Variants in PDE10A observed in about 807,000 individuals in gnomAD.
PDE10A encodes cAMP and cAMP-inhibited cGMP 3',5'-cyclic phosphodiesterase 10A.
Under a neutral mutation model 97.7 loss-of-function variants are expected in PDE10A, and 39 were observed. That is an observed-to-expected ratio of 0.40 (90% CI 0.31 to 0.52). The LOEUF is 0.52. Ranked by LOEUF, PDE10A falls within the 20% of genes least tolerant of loss-of-function variation. The pLI is 0.56. For synonymous variants in PDE10A, 371 were observed against 376.8 expected (o/e 0.98, Z 0.18); for missense variants, 731 against 1,047.8 (o/e 0.70, Z 4.17).
chr6:165,523,261 A>G (rs757926990), intron 2 of PDE10A, among the ~76,000 whole-genome samples: 32 of 152,288 alleles, frequency 2.1e-4, no homozygotes, highest in Non-Finnish European at 3.7e-4. Flanking sequence ...CAGAATTAGA[A>G]AAAACTATTC....
At chr6:165,757,912 T>C (rs888598699) in intron 1 of PDE10A, among the ~76,000 whole-genome samples, 1 of 152,212 alleles carries the variant, frequency 6.6e-6, no homozygotes, top group African/African-American at 2.4e-5. Context: ...TATGATATTG[T>C]GTTTGATTTC....
At chr6:165,724,557 T>C (rs6913046) in intron 1 of PDE10A, among the ~76,000 whole-genome samples, 105,631 of 152,096 alleles carry the variant, frequency 0.69, 38,197 homozygotes, top group African/African-American at 0.9. Context: ...GGCTTCGTCC[T>C]GTCACTTAGA....
chr6:165,898,140 A>G (rs886823752), intron 1 of PDE10A, among the ~76,000 whole-genome samples: 3 of 150,962 alleles, frequency 2.0e-5, no homozygotes, highest in African/African-American at 7.3e-5. Context: ...CAGAAATGGG[A>G]GTCCAGTCTT....
chr6:165,501,815 T>C (rs1305300131), intron 2 of PDE10A, among the ~76,000 whole-genome samples: 1 of 152,170 alleles, frequency 6.6e-6, no homozygotes, highest in Non-Finnish European at 1.5e-5. Context: ...AAAATATATA[T>C]GGTAATGCAA....
At chr6:165,800,861 G>A (rs1778966157) in intron 1 of PDE10A, among the ~76,000 whole-genome samples, 1 of 152,212 alleles carries the variant, frequency 6.6e-6, no homozygotes, top group Non-Finnish European at 1.5e-5. Context: ...AGAGGGCACG[G>A]AGGAGACACT....
chr6:165,942,346 A>T (rs1385888165), intron 1 of PDE10A, among the ~76,000 whole-genome samples: 1 of 151,920 alleles, frequency 6.6e-6, no homozygotes, highest in Non-Finnish European at 1.5e-5. Context: ...CCCTTCACAA[A>T]ATAAAGACTC....
intron 1 of PDE10A, among the ~76,000 whole-genome samples, chr6:165,946,299 A>G (rs933731245): frequency 9.9e-5 from 15 of 152,146 alleles, no homozygotes; most frequent in Admixed American, 9.2e-4. Context: ...GATTGAGACC[A>G]TCCTGGCTAA....
chr6:165,465,868 T>C (rs1778614460), intron 3 of PDE10A, among the ~76,000 whole-genome samples: 1 of 152,160 alleles, frequency 6.6e-6, no homozygotes, highest in Non-Finnish European at 1.5e-5. Context: ...ATATCAGGTA[T>C]GATTTAGGAG....
At position 165,823,853 on chromosome 6, in the gene PDE10A, A is replaced by C. The variant is rs115016389; in HGVS notation, c.-615+163676T>G. 7.3e-3 allele frequency among the ~76,000 whole-genome samples: 1,111 copies of C among 152,198 alleles called. 16 individuals carry two copies. The highest frequency in any genetic ancestry group is 0.026 in the African/African-American group (1,069 of 41,528). On this transcript the variant is annotated intron_variant, in intron 1 of 19. Transcript: ENST00000366882. ...CTTACGGGACCGCTGTCATATATGC[A>C]ATCTGTCATTGAACAAAATGTCATT... is the stretch of plus-strand genomic sequence containing the variant.
intron 13 of PDE10A, among the ~76,000 whole-genome samples, chr6:165,396,797 A>C (rs1326973166): frequency 6.6e-6 from 1 of 152,206 alleles, no homozygotes; most frequent in Non-Finnish European, 1.5e-5. Flanking sequence ...TCAGAAAATG[A>C]ATATTTGTAC....
At chr6:165,366,038 A>AG (rs1256793461) in intron 18 of PDE10A, among the ~76,000 whole-genome samples, 1 of 152,168 alleles carries the variant, frequency 6.6e-6, no homozygotes, top group Non-Finnish European at 1.5e-5. Flanking sequence ...AAATTTAAAA[A>AG]CCTATTCATC....
chr6:165,700,769 C>T (rs1423069716), intron 1 of PDE10A, among the ~76,000 whole-genome samples: 1 of 152,200 alleles, frequency 6.6e-6, no homozygotes, highest in Non-Finnish European at 1.5e-5. Context: ...CTTCATATCA[C>T]TAGGCGGTCC....
At chr6:165,879,655 T>C (rs554148355) in intron 1 of PDE10A, among the ~76,000 whole-genome samples, 2 of 152,242 alleles carry the variant, frequency 1.3e-5, no homozygotes, top group Non-Finnish European at 2.9e-5. Flanking sequence ...AGTGTTTGCA[T>C]AACCTACACA....
At chr6:165,952,069 C>A (rs1471611846) in intron 1 of PDE10A, among the ~76,000 whole-genome samples, 1 of 152,232 alleles carries the variant, frequency 6.6e-6, no homozygotes, top group African/African-American at 2.4e-5. Flanking sequence ...TCCTCAAGTC[C>A]TCATGCGAAG....
At chr6:165,879,403 CCT>C (rs1235726033) in intron 1 of PDE10A, among the ~76,000 whole-genome samples, 7 of 152,180 alleles carry the variant, frequency 4.6e-5, no homozygotes, top group Non-Finnish European at 1.0e-4. Context: ...CAACAACCAA[CCT>C]CTGTGTCTGT....
intron 1 of PDE10A, among the ~76,000 whole-genome samples, chr6:165,632,290 C>T (rs749272944): frequency 5.3e-5 from 8 of 150,864 alleles, no homozygotes; most frequent in Non-Finnish European, 1.2e-4. Context: ...GCCACAGAAG[C>T]CGTCTTGGTC....
chr6:165,937,385 C>T (rs775395923), intron 1 of PDE10A, among the ~76,000 whole-genome samples: 1 of 152,172 alleles, frequency 6.6e-6, no homozygotes, highest in Admixed American at 6.5e-5. Flanking sequence ...TAACTTTTCT[C>T]CTAAGTCAGT....
intron 1 of PDE10A, among the ~76,000 whole-genome samples, chr6:165,958,352 T>C (rs148149011): frequency 6.6e-6 from 1 of 151,858 alleles, no homozygotes. Context: ...CCACTTGGCC[T>C]ACAATTTCAA....
At chr6:165,585,063 CATAAG>C (rs1284205446) in intron 1 of PDE10A, among the ~76,000 whole-genome samples, 1 of 152,208 alleles carries the variant, frequency 6.6e-6, no homozygotes, top group Non-Finnish European at 1.5e-5. Flanking sequence ...TATCATCTAA[CATAAG>C]ATGCATGAAT....
Sources: allele counts gnomAD v4.1 joint callset (sites outside exome capture counted in the v4.1 genomes callset), GRCh38; gene constraint gnomAD v4.1.1; transcripts MANE v1.5; gene names NCBI Gene and HGNC (gene_info 2026-07-23, HGNC 2026-07-21).